The following TG variants were observed in gnomAD, a reference collection of about 807,000 sequenced individuals.
TG encodes thyroglobulin.
A neutral mutation model predicts 324.7 loss-of-function variants in TG; 270 were observed. The ratio of observed to expected loss-of-function variants is 0.83; its 90% confidence interval spans 0.75 to 0.92. The LOEUF is 0.92. Among genes scored for constraint, TG ranks in the 40% least tolerant of loss-of-function variants. The pLI, the probability that TG is intolerant of heterozygous loss-of-function variation, is 0.00. For synonymous variants in TG, 1,401 were observed against 1,327.0 expected (o/e 1.06, Z -1.21); for missense variants, 3,591 against 3,456.4 (o/e 1.04, Z -0.98).
chr8:132,969,677 C>G (rs1587626886), intron 32 of TG, 108 bp downstream of exon 32: 1 of 826,076 alleles, frequency 1.2e-6, no homozygotes, highest in Non-Finnish European at 2.1e-6. Context: ...CTTTGGGAGG[C>G]CGAGCTGGGC....
At chr8:133,008,785 A>G (rs758361584) in intron 35 of TG, among the ~76,000 whole-genome samples, 23 of 152,246 alleles carry the variant, frequency 1.5e-4, no homozygotes, top group Admixed American at 1.4e-3. Flanking sequence ...TTGGACAGTG[A>G]CAGTACCCAC....
intron 41 of TG, among the ~76,000 whole-genome samples, chr8:133,069,554 T>G (rs1564148343): frequency 6.6e-6 from 1 of 152,154 alleles, no homozygotes; most frequent in Non-Finnish European, 1.5e-5. Flanking sequence ...TTAGGGTGGG[T>G]CACAATTCGA....
chr8:132,946,625 A>G lies in TG; in HGVS notation c.5234-2151A>G, dbSNP rs192055283. On this transcript the variant is annotated intron_variant, in intron 26 of 47. Transcript: ENST00000220616. ...TCCTTTCCTTTCTCCCCTCCCAACAAGTCTCTAGCCTCCTCCAATCTCCAC... is the reference window on the plus strand; with the variant it reads ...TCCTTTCCTTTCTCCCCTCCCAACAGGTCTCTAGCCTCCTCCAATCTCCAC... Among the ~76,000 whole-genome samples the G allele has an allele frequency of 9.9e-5, 15 of 152,042 alleles. No individual in the cohort carries two copies. The East Asian group carries it at 2.9e-3, about 29-fold the overall frequency.
At chr8:133,125,895 G>C (rs1352773651) in intron 45 of TG, among the ~76,000 whole-genome samples, 1 of 152,132 alleles carries the variant, frequency 6.6e-6, no homozygotes, top group African/African-American at 2.4e-5. Flanking sequence ...TGATGAGAAG[G>C]CATTGCAGAT....
Position 132,923,336 on chromosome 8 carries a change from A to T in TG, c.4529-2A>T. The T allele has an allele frequency of 6.2e-7, 1 of 1,614,110 alleles. No homozygotes were observed. The highest frequency in any genetic ancestry group is 1.7e-4 in the Middle Eastern group (1 of 6,044). On this transcript the variant is annotated splice_acceptor_variant, in intron 21 of 47. Transcript: ENST00000220616. LOFTEE classifies it high-confidence loss of function. ...ACGGCTATGTCAATCTATTGGTTCT[A>T]GGTGTCACTGACTGTCAGAGGAACG...
At chr8:132,963,984 A>G (rs1447408738) in intron 29 of TG, among the ~76,000 whole-genome samples, 1 of 151,976 alleles carries the variant, frequency 6.6e-6, no homozygotes, top group African/African-American at 2.4e-5. Context: ...ATCCCGTTAG[A>G]TAGCAACCAC....
chr8:132,950,008 A>T (rs917500299), intron 27 of TG, among the ~76,000 whole-genome samples: 2 of 152,202 alleles, frequency 1.3e-5, no homozygotes, highest in Non-Finnish European at 2.9e-5. Context: ...CTGGTTAGAA[A>T]TGCAGAGTCT....
intron 18 of TG, among the ~76,000 whole-genome samples, chr8:132,910,149 C>T (rs1178813766): frequency 1.3e-5 from 2 of 152,130 alleles, no homozygotes; most frequent in East Asian, 3.9e-4. Flanking sequence ...AGGGGTGTGG[C>T]ACTGGGTATG....
At chr8:132,935,006 TC>T (rs1467255679) in intron 24 of TG, among the ~76,000 whole-genome samples, 1 of 152,066 alleles carries the variant, frequency 6.6e-6, no homozygotes, top group African/African-American at 2.4e-5. Flanking sequence ...CACTCCCCTC[TC>T]ATAACTGACA....
intron 41 of TG, among the ~76,000 whole-genome samples, chr8:133,078,805 A>G (rs938905538): frequency 6.6e-6 from 1 of 152,232 alleles, no homozygotes. Context: ...TGTATAACCT[A>G]TATTCAGAGG....
chr8:132,941,627 G>A lies in TG; in HGVS notation c.5233+85G>A, dbSNP rs1204680573. ...AAGCCAGGACACACAACATGGAGCT[G>A]CATGGGGAGTACAGTGTGAGTGCCT... is the stretch of plus-strand genomic sequence containing the variant. On this transcript the variant is annotated intron_variant, in intron 26 of 47. Transcript: ENST00000220616. 3.3e-6 allele frequency: 5 copies of A among 1,515,612 alleles called. No homozygotes were observed. The African/African-American group carries it at 4.1e-5, about 13-fold the overall frequency. The allele number at this position is 1,515,612 out of a possible 1,614,324, so 93.9% of individuals were successfully genotyped here. A position where few individuals can be genotyped will look rare whatever the true frequency, so the allele number is the denominator to read the frequency against.
chr8:132,945,923 G>C (rs1309908220), intron 26 of TG, among the ~76,000 whole-genome samples: 1 of 152,076 alleles, frequency 6.6e-6, no homozygotes, highest in African/African-American at 2.4e-5. Context: ...TTGTTGGAGT[G>C]GTGGGGCAGG....
At chr8:133,030,425 T>G (rs1587808416) in intron 41 of TG, among the ~76,000 whole-genome samples, 1 of 152,102 alleles carries the variant, frequency 6.6e-6, no homozygotes, top group Non-Finnish European at 1.5e-5. Flanking sequence ...AGGAGGAGGA[T>G]GATGGTGGTA....
intron 41 of TG, among the ~76,000 whole-genome samples, chr8:133,079,732 G>T (rs1845460698): frequency 6.6e-6 from 1 of 152,104 alleles, no homozygotes; most frequent in African/African-American, 2.4e-5. Context: ...GAAGGAAAAG[G>T]CAGTCTTGGG....
intron 43 of TG, 99 bp downstream of exon 43, chr8:133,096,472 G>A: frequency 1.4e-6 from 2 of 1,457,070 alleles, no homozygotes; most frequent in Non-Finnish European, 1.9e-6. Flanking sequence ...ACCAATTGCT[G>A]AGTAACTACT....
Position 133,133,579 on chromosome 8 carries a change from C to A in TG, c.8107C>A (p.Leu2703Met). Residue 2703 changes from leucine (L) to methionine (M), a missense_variant, in exon 47 of 48, where the codon CTG becomes ATG. By Grantham distance (15) the Leu-to-Met change is conservative. Transcript: ENST00000220616. ...AGAGAACTACAAGGAGTTCAGTGAG[C>A]TGCTCCCCAATCGACAGGGCCTGAA... ...GGENYKEFSE[L>M]LPNRQGLKKA... 6.2e-7 allele frequency: 1 copy of A among 1,614,226 alleles called. No individual in the cohort carries two copies. Among genetic ancestry groups the A allele is most frequent in the South Asian group, 1.1e-5 (1 of 91,090 alleles).
chr8:133,130,407 G>A (rs1851849466), intron 45 of TG, among the ~76,000 whole-genome samples: 1 of 152,180 alleles, frequency 6.6e-6, no homozygotes, highest in Non-Finnish European at 1.5e-5. Context: ...TGAGATGGGA[G>A]CTTATCCTGG....
intron 26 of TG, among the ~76,000 whole-genome samples, chr8:132,947,342 T>G (rs996855457): frequency 2.0e-5 from 3 of 152,158 alleles, no homozygotes; most frequent in Non-Finnish European, 4.4e-5. Context: ...CTCCCTGCAT[T>G]TCTGATGTCA....
chr8:132,882,040 T>C, intron 6 of TG, 71 bp downstream of exon 6: 2 of 1,160,172 alleles, frequency 1.7e-6, no homozygotes, highest in Non-Finnish European at 2.6e-6. Flanking sequence ...CTGGATAACA[T>C]TGCTTGTAAA....
Sources: allele counts gnomAD v4.1 joint callset (sites outside exome capture counted in the v4.1 genomes callset), GRCh38; gene constraint gnomAD v4.1.1; transcripts MANE v1.5; gene names NCBI Gene and HGNC (gene_info 2026-07-23, HGNC 2026-07-21).